MAGOHB: variants seen among roughly 807,000 people sequenced by gnomAD.
MAGOHB encodes mago homolog B, exon junction complex subunit.
A neutral mutation model predicts 20.9 loss-of-function variants in MAGOHB; 15 were observed. That is an observed-to-expected ratio of 0.72 (90% confidence interval 0.48 to 1.11). The LOEUF (loss-of-function observed/expected upper bound fraction) is 1.11, where lower values mean the gene tolerates loss of function less well. Ranked by LOEUF, MAGOHB falls within the 50% of genes least tolerant of loss-of-function variation. The probability of loss-of-function intolerance (pLI) is 0.00; values close to 1 mark genes in which losing one functional copy is unlikely to be tolerated. For synonymous variants in MAGOHB, 50 were observed against 57.9 expected (o/e 0.86, Z 0.62); for missense variants, 162 against 177.6 (o/e 0.91, Z 0.50).
At chr12:10,613,398 C>A in intron 1 of MAGOHB, 41 bp downstream of exon 1, 3 of 1,575,210 alleles carry the variant, frequency 1.9e-6, no homozygotes, top group Non-Finnish European at 2.6e-6. Context: ...CTCGGTCTCG[C>A]TCCCCTTTCC....
downstream of MAGOHB, among the ~76,000 whole-genome samples, chr12:10,602,372 G>A (rs148991756): frequency 7.9e-5 from 12 of 152,248 alleles, no homozygotes; most frequent in East Asian, 1.9e-4. Flanking sequence ...AACTGACGAC[G>A]GGAAAGCCAA....
Position 10,605,992 on chromosome 12 carries a change from AAC to A in MAGOHB, c.*281_*282del. On this transcript the variant is annotated 3_prime_UTR_variant, in exon 5 of 5. Coordinates refer to ENST00000320756, the MANE Select transcript of MAGOHB (RefSeq NM_018048.5). ...ATTAGAGACATAGCCTCCTGGAAAA[AAC>A]AAAAAACTACTCTGCAACCAGGATT... The A allele has an allele frequency of 2.6e-5, 5 of 195,192 alleles. No individual in the cohort carries two copies. The highest frequency in any genetic ancestry group is 5.2e-5 in the Non-Finnish European group (5 of 96,120). 12.1% of individuals were successfully genotyped at this position (195,192 alleles called of 1,614,324 possible).
downstream of MAGOHB, among the ~76,000 whole-genome samples, chr12:10,599,974 G>A (rs548583832): frequency 5.3e-5 from 8 of 152,122 alleles, no homozygotes; most frequent in Non-Finnish European, 1.2e-4. Context: ...TAAAAGAAGT[G>A]TAATGATTGA....
chr12:10,607,938 T>TA lies in MAGOHB; in HGVS notation c.265-3dup. On this transcript the variant is annotated splice_polypyrimidine_tract_variant and splice_region_variant and intron_variant, in intron 3 of 4. Transcript: ENST00000320756. ...ATCTCCAATTACAATTTCAAGCTCC[T>TA]AAAAAATATAGCAGAAAAATGTAGT... 1 of 1,530,784 alleles carries TA rather than the reference T, an allele frequency of 6.5e-7. No individual in the cohort carries two copies. Among genetic ancestry groups the TA allele is most frequent in the Non-Finnish European group, 8.9e-7 (1 of 1,119,444 alleles). 94.8% of individuals were successfully genotyped at this position (1,530,784 alleles called of 1,614,324 possible). A position where few individuals can be genotyped will look rare whatever the true frequency, so the allele number is the denominator to read the frequency against.
At chr12:10,610,577 C>CAAAAAAAAAAAAAAAAAA in intron 2 of MAGOHB, 45 bp downstream of exon 2, 2 of 724,894 alleles carry the variant, frequency 2.8e-6, no homozygotes, top group Non-Finnish European at 3.4e-6. Context: ...GGGCTAAATG[C>CAAAAAAAAAAAAAAAAAA]AAAAAAAAAA....
chr12:10,603,541 A>G (rs1211127585), downstream of MAGOHB, among the ~76,000 whole-genome samples: 1 of 139,144 alleles, frequency 7.2e-6, no homozygotes, highest in East Asian at 2.0e-4. Flanking sequence ...CTATGATGAC[A>G]TAATGGCAAA....
chr12:10,611,414 T>C (rs1456414926), intron 1 of MAGOHB, among the ~76,000 whole-genome samples: 1 of 152,064 alleles, frequency 6.6e-6, no homozygotes, highest in Non-Finnish European at 1.5e-5. Flanking sequence ...ACAGCTATAA[T>C]GTGCAACAGG....
intron 1 of MAGOHB, chr12:10,612,825 G>A: frequency 2.3e-6 from 3 of 1,288,896 alleles, no homozygotes; most frequent in Non-Finnish European, 3.0e-6. Context: ...CTCATCCTCT[G>A]CTCATACTGC....
At chr12:10,599,908 A>C (rs910493102), downstream of MAGOHB, among the ~76,000 whole-genome samples, 1 of 152,218 alleles carries the variant, frequency 6.6e-6, no homozygotes, top group Non-Finnish European at 1.5e-5. Context: ...CGTACTTTAG[A>C]GAAACTGCTG....
chr12:10,608,067 G>A (rs1865661267), intron 3 of MAGOHB, 131 bp from the exon 4 acceptor site: 3 of 573,976 alleles, frequency 5.2e-6, no homozygotes, highest in East Asian at 3.1e-5. Context: ...GGGGGGCGAG[G>A]GGGAAAGAAA....
intron 1 of MAGOHB, chr12:10,612,593 C>T (rs1293958662): frequency 1.0e-6 from 1 of 964,902 alleles, no homozygotes; most frequent in African/African-American, 1.7e-5. Flanking sequence ...GTGCCTCCCA[C>T]CAAGACAAAT....
downstream of MAGOHB, among the ~76,000 whole-genome samples, chr12:10,603,558 A>G (rs2120491198): frequency 6.6e-6 from 1 of 151,746 alleles, no homozygotes; most frequent in East Asian, 1.9e-4. Context: ...CAAAAAAAAA[A>G]AAGGATTCCC....
chr12:10,603,165 T>G (rs571883352), downstream of MAGOHB, among the ~76,000 whole-genome samples: 26 of 151,908 alleles, frequency 1.7e-4, no homozygotes, highest in African/African-American at 5.8e-4. Context: ...ATACAAAAAA[T>G]TAGCCAGGCG....
chr12:10,602,114 G>A (rs1022417509), downstream of MAGOHB, among the ~76,000 whole-genome samples: 1 of 152,194 alleles, frequency 6.6e-6, no homozygotes, highest in African/African-American at 2.4e-5. Context: ...CACATAGCTG[G>A]GGAGAAGGTG....
At chr12:10,602,636 T>C (rs549662677), downstream of MAGOHB, among the ~76,000 whole-genome samples, 3 of 152,358 alleles carry the variant, frequency 2.0e-5, no homozygotes, top group South Asian at 6.2e-4. Context: ...GCCTTCCAAA[T>C]TCACTTTTGT....
At chr12:10,603,372 CTGT>C (rs1865573527), downstream of MAGOHB, among the ~76,000 whole-genome samples, 1 of 150,936 alleles carries the variant, frequency 6.6e-6, no homozygotes, top group Admixed American at 6.6e-5. Flanking sequence ...CCTAATCACC[CTGT>C]TTGTCTTTCT....
downstream of MAGOHB, among the ~76,000 whole-genome samples, chr12:10,603,904 C>T (rs1327110859): frequency 1.3e-5 from 2 of 152,214 alleles, no homozygotes; most frequent in Non-Finnish European, 2.9e-5. Flanking sequence ...TAGGTTCACA[C>T]ATTTCAAATC....
At chr12:10,602,628 C>T (rs1045121132), downstream of MAGOHB, among the ~76,000 whole-genome samples, 1 of 152,188 alleles carries the variant, frequency 6.6e-6, no homozygotes, top group Non-Finnish European at 1.5e-5. Context: ...GGTACTTTGC[C>T]TTCCAAATTC....
downstream of MAGOHB, among the ~76,000 whole-genome samples, chr12:10,602,161 C>A (rs547031929): frequency 3.9e-5 from 6 of 152,318 alleles, no homozygotes; most frequent in Admixed American, 2.0e-4. Flanking sequence ...AAGTGCAGAG[C>A]ACAATTTTTT....
Sources: gnomAD v4.1 joint callset for allele counts (sites outside exome capture counted in the v4.1 genomes callset) on GRCh38, gnomAD v4.1.1 for gene constraint, MANE v1.5 for transcripts, NCBI Gene and HGNC (gene_info 2026-07-23, HGNC 2026-07-21) for gene names.